Variants in ANKRD13C observed in about 807,000 individuals in gnomAD.
ANKRD13C encodes ankyrin repeat domain-containing protein 13C.
Under a neutral mutation model 65.5 loss-of-function variants are expected in ANKRD13C, and 16 were observed. That is an observed-to-expected ratio of 0.24 (90% confidence interval 0.17 to 0.37). The LOEUF (loss-of-function observed/expected upper bound fraction) is 0.37, where lower values mean the gene tolerates loss of function less well. Ranked by LOEUF, ANKRD13C falls within the 10% of genes least tolerant of loss-of-function variation. The pLI, the probability that ANKRD13C is intolerant of heterozygous loss-of-function variation, is 1.00. For missense variants in ANKRD13C, 503 were observed against 655.9 expected, an observed-to-expected ratio of 0.77 and a Z score of 2.55; for synonymous variants, 235 against 238.7, an observed-to-expected ratio of 0.98 and a Z score of 0.14.
intron 9 of ANKRD13C, among the ~76,000 whole-genome samples, chr1:70,280,553 T>C (rs550703599): frequency 5.9e-5 from 9 of 152,264 alleles, no homozygotes; most frequent in African/African-American, 2.2e-4. Flanking sequence ...GGACAAATAT[T>C]TTGAGCAATA....
At chr1:70,353,784 A>T (rs929272481) in intron 1 of ANKRD13C, among the ~76,000 whole-genome samples, 195 bp downstream of exon 1, 1 of 152,158 alleles carries the variant, frequency 6.6e-6, no homozygotes, top group Non-Finnish European at 1.5e-5. Flanking sequence ...AGGAGGATAC[A>T]TTCCTTTGCA....
chr1:70,294,225 T>C (rs1467524833), intron 8 of ANKRD13C, among the ~76,000 whole-genome samples: 2 of 152,210 alleles, frequency 1.3e-5, no homozygotes, highest in South Asian at 2.1e-4. Context: ...TATTATGAGC[T>C]CATATTTACA....
intron 6 of ANKRD13C, among the ~76,000 whole-genome samples, chr1:70,305,525 A>G (rs1680550672): frequency 6.6e-6 from 1 of 152,086 alleles, no homozygotes; most frequent in African/African-American, 2.4e-5. Flanking sequence ...TACTATTTAT[A>G]AATATACCAA....
At chr1:70,301,142 A>C (rs1203849877) in intron 6 of ANKRD13C, among the ~76,000 whole-genome samples, 18 of 149,752 alleles carry the variant, frequency 1.2e-4, no homozygotes, top group Admixed American at 1.2e-3. Context: ...ACTTTTCTGA[A>C]TATACATATA....
At chr1:70,330,809 CTT>C (rs1484754630) in intron 2 of ANKRD13C, among the ~76,000 whole-genome samples, 1 of 151,870 alleles carries the variant, frequency 6.6e-6, no homozygotes, top group Admixed American at 6.6e-5. Flanking sequence ...TTTGAAAAAC[CTT>C]TCTCTCATAT....
intron 6 of ANKRD13C, among the ~76,000 whole-genome samples, chr1:70,301,186 T>C (rs1316430387): frequency 6.6e-6 from 1 of 151,434 alleles, no homozygotes; most frequent in Non-Finnish European, 1.5e-5. Flanking sequence ...CACATATATA[T>C]ATATATATAC....
intron 2 of ANKRD13C, among the ~76,000 whole-genome samples, chr1:70,328,018 C>T (rs2101553883): frequency 6.6e-6 from 1 of 151,978 alleles, no homozygotes; most frequent in East Asian, 1.9e-4. Flanking sequence ...TGAGCCGAGA[C>T]TGTACCACTG....
At chr1:70,289,633 A>AT (rs778610042) in intron 9 of ANKRD13C, among the ~76,000 whole-genome samples, 713 of 138,752 alleles carry the variant, frequency 5.1e-3, no homozygotes, top group African/African-American at 0.01. Flanking sequence ...CGCCCGGCTA[A>AT]TTTTTTTTTT....
intron 10 of ANKRD13C, among the ~76,000 whole-genome samples, chr1:70,276,356 A>C (rs969357607): frequency 2.0e-5 from 3 of 152,194 alleles, no homozygotes; most frequent in Non-Finnish European, 4.4e-5. Flanking sequence ...TTGGAAAGGC[A>C]AAAAGAAGAT....
Position 70,324,930 on chromosome 1 carries a change from T to C in ANKRD13C, c.500A>G (p.Asn167Ser), listed in dbSNP as rs759953958. 3.7e-6 allele frequency: 6 copies of C among 1,611,312 alleles called. No homozygotes were observed. Among genetic ancestry groups the C allele is most frequent in the African/African-American group, 1.3e-5 (1 of 74,916 alleles). ...KECAHLLLAH[N>S]APVKVKNAQG... ...AGCATTTTTCACCTTGACTGGAGCA[T>C]TGTGAGCCAAAAGTAAATGGGCACA... is the stretch of plus-strand genomic sequence containing the variant. The change falls in exon 3 of 13, where the codon AAT becomes AGT. Residue 167 changes from asparagine (N) to serine (S), a missense_variant. By Grantham distance (46) the Asn-to-Ser change is conservative. Around this residue, in one of 2 missense-constraint regions of ANKRD13C, gnomAD observed 300 missense variants for 478.3 expected, o/e 0.63. Coordinates refer to ENST00000370944, the MANE Select transcript of ANKRD13C (RefSeq NM_030816.5).
chr1:70,296,080 A>G, intron 8 of ANKRD13C, 50 bp downstream of exon 8: 1 of 1,585,660 alleles, frequency 6.3e-7, no homozygotes, highest in Non-Finnish European at 8.6e-7. Flanking sequence ...TTTTGGAAAT[A>G]TTAAATACCG....
At chr1:70,347,745 C>G (rs945693649) in intron 1 of ANKRD13C, among the ~76,000 whole-genome samples, 3 of 152,042 alleles carry the variant, frequency 2.0e-5, no homozygotes, top group African/African-American at 7.2e-5. Flanking sequence ...GGAAGAAAGA[C>G]AAGAAAGAAG....
intron 5 of ANKRD13C, among the ~76,000 whole-genome samples, chr1:70,307,940 C>A (rs1191694661): frequency 6.6e-6 from 1 of 151,986 alleles, no homozygotes; most frequent in Non-Finnish European, 1.5e-5. Context: ...CACAGCAAAA[C>A]CCTATCTCTT....
In ANKRD13C at chr1:70,274,816, G is replaced by A. The variant is rs759918763; in HGVS notation, c.1298C>T (p.Ala433Val). 9 of 1,608,248 alleles carry A rather than the reference G, an allele frequency of 5.6e-6. No homozygotes were observed. The highest frequency in any genetic ancestry group is 7.7e-6 in the Non-Finnish European group (9 of 1,175,236). ...EEYISAENGKAPHLGRELVCK... is the reference protein window; with the variant it reads ...EEYISAENGKVPHLGRELVCK... Reference sequence around the variant, plus strand: ...CACCAATTCTCTACCCAGATGAGGAGCTCTAAAATGGGAGGAAAAAAAATG... The same window carrying A: ...CACCAATTCTCTACCCAGATGAGGAACTCTAAAATGGGAGGAAAAAAAATG... Residue 433 changes from alanine (A) to valine (V), a missense_variant and splice_region_variant, in exon 11 of 13, where the codon GCT (alanine) becomes GTT (valine). Ala to Val is a moderately conservative substitution (Grantham distance 64). Around this residue, in one of 2 missense-constraint regions of ANKRD13C, gnomAD observed 300 missense variants for 478.3 expected, o/e 0.63. Transcript: ENST00000370944.
At chr1:70,293,704 C>A (rs988919880) in intron 8 of ANKRD13C, 1 of 203,120 alleles carries the variant, frequency 4.9e-6, no homozygotes, top group Non-Finnish European at 8.7e-6. Context: ...ACTGAGAATG[C>A]TATAATGCCA....
At chr1:70,286,064 G>T (rs1397579727) in intron 9 of ANKRD13C, among the ~76,000 whole-genome samples, 1 of 151,822 alleles carries the variant, frequency 6.6e-6, no homozygotes, top group African/African-American at 2.4e-5. Flanking sequence ...GTTAAATTCT[G>T]TGTCTGTGTC....
chr1:70,316,778 GA>G (rs1164147223), intron 3 of ANKRD13C, among the ~76,000 whole-genome samples: 2 of 151,888 alleles, frequency 1.3e-5, no homozygotes, highest in Admixed American at 1.3e-4. Flanking sequence ...ACCAAAATAA[GA>G]AAAAATATTA....
intron 7 of ANKRD13C, among the ~76,000 whole-genome samples, chr1:70,297,809 A>C (rs1680157990): frequency 1.3e-5 from 2 of 150,080 alleles, no homozygotes; most frequent in South Asian, 4.2e-4. Context: ...GCTACTCGGG[A>C]GGCTAAGGCA....
intron 9 of ANKRD13C, among the ~76,000 whole-genome samples, chr1:70,286,053 T>C (rs977693799): frequency 2.0e-5 from 3 of 152,138 alleles, no homozygotes; most frequent in African/African-American, 7.2e-5. Context: ...GCTTTCCAGG[T>C]GTTAAATTCT....
Sources: gnomAD v4.1 joint callset for allele counts (sites outside exome capture counted in the v4.1 genomes callset) on GRCh38, gnomAD v4.1.1 for gene constraint, gnomAD v4.1.1 regional missense constraint, MANE v1.5 for transcripts, NCBI Gene and HGNC (gene_info 2026-07-23, HGNC 2026-07-21) for gene names.